The following TENM3 variants were observed in gnomAD, a reference collection of about 807,000 sequenced individuals.
The protein encoded by TENM3 is teneurin transmembrane protein 3, also known as teneurin-3.
Under a neutral mutation model 255.1 loss-of-function variants are expected in TENM3, and 63 were observed. The observed-to-expected ratio is 0.25, with a 90% confidence interval of 0.20 to 0.30. The LOEUF (loss-of-function observed/expected upper bound fraction) is 0.30, where lower values mean the gene tolerates loss of function less well. TENM3 is among the 10% of genes least tolerant of loss of function. The pLI is 1.00. For missense variants in TENM3, 2,929 were observed against 3,461.1 expected (o/e 0.85, Z 3.86); for synonymous variants, 1,306 against 1,322.3 (o/e 0.99, Z 0.27).
chr4:181,968,373 G>A, the TENM3 span, among the ~76,000 whole-genome samples: 4 of 152,182 alleles, frequency 2.6e-5, no homozygotes, highest in African/African-American at 7.2e-5. Context: ...TTCGGGCCGC[G>A]GTTGTCACTG....
At chr4:181,768,810 A>G in the TENM3 span, among the ~76,000 whole-genome samples, 10 of 152,348 alleles carry the variant, frequency 6.6e-5, no homozygotes, top group Non-Finnish European at 1.5e-4. Context: ...TCTCAATCTT[A>G]TAGGCAATTA....
intron 1 of TENM3, among the ~76,000 whole-genome samples, chr4:182,260,741 G>A (rs1462731678): frequency 6.6e-6 from 1 of 152,080 alleles, no homozygotes; most frequent in Non-Finnish European, 1.5e-5. Flanking sequence ...TATCTACAAT[G>A]TAGAAAATCA....
chr4:181,584,999 G>A, the TENM3 span, among the ~76,000 whole-genome samples: 5 of 51,914 alleles, frequency 9.6e-5, no homozygotes, highest in Non-Finnish European at 1.9e-4. Flanking sequence ...AACGTATCCA[G>A]TGGCAAAAAA....
chr4:181,846,321 G>A, the TENM3 span, among the ~76,000 whole-genome samples: 1 of 151,986 alleles, frequency 6.6e-6, no homozygotes, highest in Non-Finnish European at 1.5e-5. Flanking sequence ...CTAAGAATAT[G>A]AGCTTCTCTT....
the TENM3 span, among the ~76,000 whole-genome samples, chr4:181,808,998 G>A: frequency 1.4e-4 from 22 of 152,148 alleles, no homozygotes; most frequent in African/African-American, 3.9e-4. Flanking sequence ...CAAAAGCCAC[G>A]CCAAATATTT....
chr4:181,673,846 G>GTGTGTGTA, the TENM3 span, among the ~76,000 whole-genome samples: 108 of 27,458 alleles, frequency 3.9e-3, no homozygotes, highest in Middle Eastern at 0.028. Flanking sequence ...GAAGTGTGTG[G>GTGTGTGTA]TGTGTGTGTG....
the TENM3 span, among the ~76,000 whole-genome samples, chr4:181,806,158 A>G: frequency 6.6e-6 from 1 of 152,170 alleles, no homozygotes; most frequent in East Asian, 1.9e-4. Flanking sequence ...TACTTAATCA[A>G]TAATTCGCAG....
intron 1 of TENM3, among the ~76,000 whole-genome samples, chr4:182,311,866 C>G (rs1344323695): frequency 6.6e-6 from 1 of 152,168 alleles, no homozygotes; most frequent in Non-Finnish European, 1.5e-5. Context: ...TGAGACCCAT[C>G]TTTAAGGCAC....
At chr4:182,209,794 C>T (rs1159323563) in intron 1 of TENM3, among the ~76,000 whole-genome samples, 3 of 151,890 alleles carry the variant, frequency 2.0e-5, no homozygotes, top group African/African-American at 4.8e-5. Flanking sequence ...CATAGCAGCC[C>T]GTGGGGGTAC....
the TENM3 span, among the ~76,000 whole-genome samples, chr4:181,821,209 T>C: frequency 1.3e-5 from 2 of 152,290 alleles, no homozygotes; most frequent in East Asian, 3.9e-4. Context: ...CTTTGGTGGC[T>C]TTCCTCACCG....
the TENM3 span, among the ~76,000 whole-genome samples, chr4:181,844,209 C>A: frequency 6.6e-6 from 1 of 152,038 alleles, no homozygotes; most frequent in African/African-American, 2.4e-5. Context: ...ACGTAATCAC[C>A]CCATCTCTCA....
chr4:181,524,037 G>T, the TENM3 span, among the ~76,000 whole-genome samples: 1 of 152,120 alleles, frequency 6.6e-6, no homozygotes, highest in Non-Finnish European at 1.5e-5. Context: ...TACGTGGCTC[G>T]CTGTTATAGA....
the TENM3 span, among the ~76,000 whole-genome samples, chr4:181,877,824 G>A: frequency 6.6e-6 from 1 of 152,136 alleles, no homozygotes; most frequent in Non-Finnish European, 1.5e-5. Context: ...GTGGCCAAGA[G>A]GTTGTCAAAT....
the TENM3 span, among the ~76,000 whole-genome samples, chr4:181,718,088 A>T: frequency 6.6e-6 from 1 of 151,344 alleles, no homozygotes; most frequent in South Asian, 2.1e-4. Context: ...AACTAAAAGG[A>T]AATAATCATA....
chr4:181,492,622 G>A, the TENM3 span, among the ~76,000 whole-genome samples: 6 of 151,996 alleles, frequency 3.9e-5, no homozygotes, highest in African/African-American at 1.2e-4. Flanking sequence ...GAATATTTTC[G>A]GTTTTATTTA....
chr4:181,534,908 T>G, the TENM3 span, among the ~76,000 whole-genome samples: 1 of 152,110 alleles, frequency 6.6e-6, no homozygotes, highest in Non-Finnish European at 1.5e-5. Context: ...TCCTCTCTTC[T>G]CCAGGCTCCA....
At chr4:182,739,814 T>A (rs1794871643) in intron 18 of TENM3, among the ~76,000 whole-genome samples, 1 of 152,146 alleles carries the variant, frequency 6.6e-6, no homozygotes, top group African/African-American at 2.4e-5. Context: ...GGCAGGTGGA[T>A]CACTTGACGT....
At chr4:181,480,950 T>C in the TENM3 span, among the ~76,000 whole-genome samples, 4 of 151,656 alleles carry the variant, frequency 2.6e-5, no homozygotes, top group African/African-American at 9.7e-5. Context: ...GAAATAATTA[T>C]GTTTCAAAAC....
At chr4:181,638,078 T>C in the TENM3 span, among the ~76,000 whole-genome samples, 1 of 152,232 alleles carries the variant, frequency 6.6e-6, no homozygotes, top group Admixed American at 6.5e-5. Context: ...GACTTTATCC[T>C]ATTCCCTTTA....
Sources: gnomAD v4.1 joint callset for allele counts (sites outside exome capture counted in the v4.1 genomes callset) on GRCh38, gnomAD v4.1.1 for gene constraint, MANE v1.5 for transcripts, NCBI Gene and HGNC (gene_info 2026-07-23, HGNC 2026-07-21) for gene names.